Variants in MYT1L observed in about 807,000 individuals in gnomAD.
MYT1L encodes the protein myelin transcription factor 1-like protein.
MYT1L carries 12 observed loss-of-function variants against 126.7 expected under a neutral mutation model. That is an observed-to-expected ratio of 0.09 (90% CI 0.06 to 0.15). MYT1L has a LOEUF of 0.15. Ranked by LOEUF, MYT1L falls within the 10% of genes least tolerant of loss-of-function variation. The probability of loss-of-function intolerance (pLI) is 1.00; values close to 1 mark genes in which losing one functional copy is unlikely to be tolerated. For missense variants in MYT1L, 979 were observed against 1,585.2 expected (o/e 0.62, Z 6.49); for synonymous variants, 541 against 604.2 (o/e 0.90, Z 1.53).
At chr2:2,230,319 C>A (rs889259123) in intron 2 of MYT1L, among the ~76,000 whole-genome samples, 5 of 152,330 alleles carry the variant, frequency 3.3e-5, no homozygotes, top group South Asian at 2.1e-4. Context: ...TTCCTTAGCA[C>A]TTCCAAGGTA....
chr2:2,297,836 G>T (rs147804611), intron 1 of MYT1L, among the ~76,000 whole-genome samples: 1 of 152,164 alleles, frequency 6.6e-6, no homozygotes, highest in Non-Finnish European at 1.5e-5. Flanking sequence ...TTTTGGTAAA[G>T]CAAAACCACT....
intron 4 of MYT1L, among the ~76,000 whole-genome samples, chr2:2,030,076 G>C (rs759981001): frequency 6.6e-6 from 1 of 152,056 alleles, no homozygotes; most frequent in Non-Finnish European, 1.5e-5. Flanking sequence ...ATGGGCATGA[G>C]GAATTGTTTT....
chr2:2,150,335 T>C (rs1270890006), intron 3 of MYT1L, among the ~76,000 whole-genome samples: 1 of 152,218 alleles, frequency 6.6e-6, no homozygotes, highest in Non-Finnish European at 1.5e-5. Context: ...ATATGTTTCA[T>C]CTTGATTTTT....
At chr2:2,060,902 G>A (rs1050345458) in intron 3 of MYT1L, among the ~76,000 whole-genome samples, 3 of 150,466 alleles carry the variant, frequency 2.0e-5, no homozygotes, top group African/African-American at 7.4e-5. Flanking sequence ...GCCAAATAAT[G>A]AGGTAGAAGA....
At chr2:1,895,590 T>C (rs2049464488) in intron 14 of MYT1L, among the ~76,000 whole-genome samples, 1 of 152,056 alleles carries the variant, frequency 6.6e-6, no homozygotes, top group Non-Finnish European at 1.5e-5. Flanking sequence ...ATAAGGCCAA[T>C]GAGAACAAGC....
At chr2:1,973,148 T>C (rs2059929188) in intron 8 of MYT1L, among the ~76,000 whole-genome samples, 1 of 152,196 alleles carries the variant, frequency 6.6e-6, no homozygotes, top group African/African-American at 2.4e-5. Flanking sequence ...TCTCTCTCTC[T>C]CTGGTGAATT....
chr2:2,001,253 G>GCTTTTTTTTTTTTTTTTT (rs2062360066), intron 4 of MYT1L, among the ~76,000 whole-genome samples: 1 of 43,506 alleles, frequency 2.3e-5, no homozygotes, highest in Non-Finnish European at 4.6e-5. Context: ...TTTTTTTTTT[G>GCTTTTTTTTTTTTTTTTT]CTTTTTTTTT....
intron 1 of MYT1L, among the ~76,000 whole-genome samples, chr2:2,292,244 G>C (rs1050119838): frequency 6.6e-6 from 1 of 152,192 alleles, no homozygotes; most frequent in Non-Finnish European, 1.5e-5. Context: ...AAGACTGAAG[G>C]CTGCCCTGCT....
At chr2:1,980,792 C>T (rs1471479891) in intron 5 of MYT1L, among the ~76,000 whole-genome samples, 2 of 152,094 alleles carry the variant, frequency 1.3e-5, no homozygotes, top group East Asian at 1.9e-4. Context: ...TAAATATATA[C>T]GAGTATGTTT....
intron 9 of MYT1L, among the ~76,000 whole-genome samples, chr2:1,933,528 A>G (rs1218484301): frequency 6.6e-6 from 1 of 152,224 alleles, no homozygotes; most frequent in Non-Finnish European, 1.5e-5. Context: ...AGAAAGAGGA[A>G]CCCAGTGGCT....
At chr2:1,835,119 G>A (rs111563461) in intron 21 of MYT1L, among the ~76,000 whole-genome samples, 3 of 151,780 alleles carry the variant, frequency 2.0e-5, no homozygotes, top group Non-Finnish European at 2.9e-5. Context: ...CATACCATGG[G>A]GATGGATACA....
At position 1,889,159 on chromosome 2, in the gene MYT1L, G is replaced by T. The variant is rs1296457232; in HGVS notation, c.2520+82C>A. 5.9e-6 allele frequency: 6 copies of T among 1,016,040 alleles called. No individual in the cohort carries two copies. The Admixed American group carries it at 6.3e-5, about 11-fold the overall frequency. The allele number at this position is 1,016,040 out of a possible 1,614,324, so 62.9% of individuals were successfully genotyped here. On this transcript the variant is annotated intron_variant, in intron 16 of 24. Coordinates refer to ENST00000647738, the MANE Select transcript of MYT1L (RefSeq NM_001303052.2). This position sits in a 1 kb window ranked among gnomAD's most constrained non-coding sequence, Gnocchi z 4.1. ...AAGAGAAAATATATTTTCTCATAAC[G>T]TATGTGCAAATGGCTTTTCTTTCAG...
At position 1,942,998 on chromosome 2, in the gene MYT1L, TTCCTCCTCCTCC is replaced by T; in HGVS notation, c.477_488del (p.Glu164_Glu167del). 3.3e-6 allele frequency: 5 copies of T among 1,529,900 alleles called. No individual in the cohort carries two copies. The South Asian group carries it at 6.1e-5, about 19-fold the overall frequency. The allele number at this position is 1,529,900 out of a possible 1,614,324, so 94.8% of individuals were successfully genotyped here. A position where few individuals can be genotyped will look rare whatever the true frequency, so the allele number is the denominator to read the frequency against. ...AAAGATTACCGTTTTCTTCTTCCTC[TTCCTCCTCCTCC>T]TCCTCCTCCTCTTCCTCTTCTTCAT... On this transcript the variant is annotated inframe_deletion, in exon 9 of 25. Coordinates refer to ENST00000647738, the MANE Select transcript of MYT1L (RefSeq NM_001303052.2).
At chr2:2,137,093 C>T (rs1179857219) in intron 3 of MYT1L, among the ~76,000 whole-genome samples, 2 of 152,130 alleles carry the variant, frequency 1.3e-5, no homozygotes, top group African/African-American at 4.8e-5. Context: ...TTCACAATTG[C>T]TTCAAAGAGA....
At chr2:1,992,172 G>GT (rs1276520210) in intron 5 of MYT1L, among the ~76,000 whole-genome samples, 1 of 152,188 alleles carries the variant, frequency 6.6e-6, no homozygotes, top group Non-Finnish European at 1.5e-5. Context: ...TTCACTGGCT[G>GT]TAAGAGCTTG....
At chr2:2,095,627 A>G (rs2150419362) in intron 3 of MYT1L, among the ~76,000 whole-genome samples, 1 of 151,858 alleles carries the variant, frequency 6.6e-6, no homozygotes, top group Admixed American at 6.5e-5. Context: ...AGGAGAGGAG[A>G]GCAGTCGTTT....
At chr2:2,289,462 T>G (rs909689768) in intron 1 of MYT1L, among the ~76,000 whole-genome samples, 2 of 152,218 alleles carry the variant, frequency 1.3e-5, no homozygotes, top group Non-Finnish European at 2.9e-5. Flanking sequence ...TTTACATATA[T>G]CTTATAGAAA....
At chr2:1,975,919 T>TA (rs1408032481) in intron 8 of MYT1L, among the ~76,000 whole-genome samples, 1 of 152,078 alleles carries the variant, frequency 6.6e-6, no homozygotes, top group Non-Finnish European at 1.5e-5. Context: ...ATTCCTTTCC[T>TA]AAAAAAGAAA....
intron 18 of MYT1L, among the ~76,000 whole-genome samples, chr2:1,872,826 G>T (rs2046431972): frequency 6.6e-6 from 1 of 152,164 alleles, no homozygotes; most frequent in South Asian, 2.1e-4. Context: ...GGCACCACCA[G>T]GTGCTATTCT....
Sources: allele counts gnomAD v4.1 joint callset (sites outside exome capture counted in the v4.1 genomes callset), GRCh38; gene constraint gnomAD v4.1.1; non-coding constraint Gnocchi (gnomAD v3.1); transcripts MANE v1.5; gene names NCBI Gene and HGNC (gene_info 2026-07-23, HGNC 2026-07-21).